Variants in RELB observed in about 807,000 individuals in gnomAD.
RELB encodes the protein transcription factor RelB.
RELB carries 14 observed loss-of-function variants against 55.4 expected under a neutral mutation model. That is an observed-to-expected ratio of 0.25 (90% CI 0.17 to 0.40). RELB has a LOEUF of 0.40. Ranked by LOEUF, RELB falls within the 10% of genes least tolerant of loss-of-function variation. RELB has a pLI of 1.00. For missense variants in RELB, 669 were observed against 830.7 expected (o/e 0.81, Z 2.39); for synonymous variants, 409 against 371.3 (o/e 1.10, Z -1.17).
intron 4 of RELB, among the ~76,000 whole-genome samples, chr19:45,020,051 C>T (rs1971464712): frequency 1.3e-5 from 2 of 151,944 alleles, no homozygotes; most frequent in Non-Finnish European, 1.5e-5. Context: ...AGCCACTGTG[C>T]GCAGCCCTTC....
intron 5 of RELB, among the ~76,000 whole-genome samples, chr19:45,024,543 C>T (rs911046811): frequency 6.6e-6 from 1 of 151,562 alleles, no homozygotes; most frequent in Non-Finnish European, 1.5e-5. Flanking sequence ...TCTCAAGAAC[C>T]TTTGACATGC....
At chr19:45,031,916 G>T (rs1277429879) in intron 8 of RELB, among the ~76,000 whole-genome samples, 1 of 151,548 alleles carries the variant, frequency 6.6e-6, no homozygotes, top group African/African-American at 2.4e-5. Context: ...ATTGTTATAA[G>T]GATTAAATGA....
chr19:45,025,279 A>G, intron 5 of RELB, 50 bp from the exon 6 acceptor site: 1 of 1,362,364 alleles, frequency 7.3e-7, no homozygotes, highest in South Asian at 1.2e-5. Flanking sequence ...GGTTAGGGCC[A>G]CACTTGCCTG....
intron 2 of RELB, among the ~76,000 whole-genome samples, chr19:45,007,693 A>G (rs151020532): frequency 3.3e-5 from 5 of 151,918 alleles, no homozygotes; most frequent in African/African-American, 9.7e-5. Flanking sequence ...CCCCGTCTCT[A>G]CTAAAAGTAC....
intron 2 of RELB, chr19:45,003,489 A>C (rs1971240911): frequency 2.2e-6 from 1 of 452,302 alleles, no homozygotes; most frequent in East Asian, 5.6e-5. Context: ...AAAAAAAAAA[A>C]AAAAAAAAAA....
chr19:45,025,662 C>G lies in RELB; in HGVS notation c.811C>G (p.Gln271Glu). 6.2e-7 allele frequency: 1 copy of G among 1,613,980 alleles called. No homozygotes were observed. The highest frequency in any genetic ancestry group is 8.5e-7 in the Non-Finnish European group (1 of 1,179,878). The change falls in exon 7 of 12, where the codon CAG becomes GAG. Residue 271 changes from glutamine to glutamate, a missense_variant. By Grantham distance (29) the Gln-to-Glu change is conservative. Transcript: ENST00000221452. ...VDMNVVRICF[Q>E]ASYRDQQGQM... ...CATGAATGTGGTGAGGATCTGCTTC[C>G]AGGCCTCATATCGGGACCAGCAGGG...
chr19:45,019,363 C>T (rs901598017), intron 4 of RELB, among the ~76,000 whole-genome samples: 3 of 151,992 alleles, frequency 2.0e-5, no homozygotes, highest in East Asian at 1.9e-4. Context: ...CACGCCTGGC[C>T]GACACATTGT....
chr19:45,011,872 C>CTTT (rs368731996), intron 3 of RELB, 64 bp from the exon 4 acceptor site: 26 of 795,006 alleles, frequency 3.3e-5, no homozygotes, highest in Middle Eastern at 4.3e-4. Context: ...GTAATCAAGC[C>CTTT]TTTTTTTTTT....
At position 45,032,729 on chromosome 19, in the gene RELB, C is replaced by T. The variant is rs770682728; in HGVS notation, c.1187C>T (p.Thr396Met). 10 of 1,607,730 alleles carry T rather than the reference C, an allele frequency of 6.2e-6. No individual in the cohort carries two copies. In the South Asian group the frequency reaches 1.0e-4, roughly 16 times the overall value. ...GTCTGCAGCGAGCCATTGCCTTTCA[C>T]GTACCTGCCTCGCGACCATGGTAAC... ...DGVCSEPLPF[T>M]YLPRDHDSYG... Residue 396 changes from threonine (T) to methionine (M), a missense_variant, in exon 9 of 12, where the codon ACG becomes ATG. Around this residue, in one of 3 missense-constraint regions of RELB, gnomAD observed 341 missense variants for 436.8 expected, o/e 0.78. Transcript: ENST00000221452.
At chr19:45,016,993 G>A (rs1971427015) in intron 4 of RELB, among the ~76,000 whole-genome samples, 1 of 152,170 alleles carries the variant, frequency 6.6e-6, no homozygotes, top group African/African-American at 2.4e-5. Flanking sequence ...GGATGGCTGT[G>A]CGGGACTGTC....
Position 45,038,089 on chromosome 19 carries a change from A to G in RELB, c.*299A>G, listed in dbSNP as rs1971722254. 3.1e-6 allele frequency: 1 copy of G among 321,506 alleles called. No individual in the cohort carries two copies. The allele number at this position is 321,506 out of a possible 1,614,324, so 19.9% of individuals were successfully genotyped here. A position where few individuals can be genotyped will look rare whatever the true frequency, so the allele number is the denominator to read the frequency against. The stretch of plus-strand genomic sequence containing the variant: ...CAGTAGGATTCGGAAAAGATTGTAC[A>G]TATGGGAGGAGGGGGCAGATTCCTG... On this transcript the variant is annotated 3_prime_UTR_variant, in exon 12 of 12. Coordinates refer to ENST00000221452, the MANE Select transcript of RELB (RefSeq NM_006509.4).
At chr19:45,026,595 T>C (rs1042620577) in intron 7 of RELB, among the ~76,000 whole-genome samples, 3 of 152,094 alleles carry the variant, frequency 2.0e-5, no homozygotes, top group African/African-American at 7.2e-5. Context: ...TCTAGTGTTG[T>C]AGAATGAACA....
intron 2 of RELB, among the ~76,000 whole-genome samples, chr19:45,007,259 C>T (rs188118636): frequency 5.9e-5 from 9 of 152,024 alleles, no homozygotes; most frequent in African/African-American, 2.2e-4. Flanking sequence ...GGCAAGTCCA[C>T]GTTGGGGGTA....
Position 45,012,245 on chromosome 19 carries a change from C to A in RELB, c.473C>A (p.Thr158Asn). The stretch of plus-strand genomic sequence containing the variant: ...GGCAGCATCCTTGGGGAGAGCAGCA[C>A]CGAGGCCAGCAAGACGCTGCCCGCC... Reference protein sequence around the residue: ...SAGSILGESSTEASKTLPAIE... With the variant: ...SAGSILGESSNEASKTLPAIE... The change falls in exon 4 of 12, where the codon ACC becomes AAC. Residue 158 changes from threonine to asparagine, a missense_variant. Physicochemically the swap from Thr to Asn is moderately conservative, Grantham distance 65. Around this residue, in one of 3 missense-constraint regions of RELB, gnomAD observed 323 missense variants for 368.5 expected, o/e 0.88. Coordinates refer to ENST00000221452, the MANE Select transcript of RELB (RefSeq NM_006509.4). 6.9e-7 allele frequency: 1 copy of A among 1,447,388 alleles called. No homozygotes were observed. The highest frequency in any genetic ancestry group is 2.8e-5 in the Admixed American group (1 of 35,286). 89.7% of individuals were successfully genotyped at this position (1,447,388 alleles called of 1,614,324 possible). A position where few individuals can be genotyped will look rare whatever the true frequency, so the allele number is the denominator to read the frequency against.
At position 45,028,948 on chromosome 19, in the gene RELB, C is replaced by A. The variant is rs749563563; in HGVS notation, c.947C>A (p.Thr316Asn). 3 of 1,597,634 alleles carry A rather than the reference C, an allele frequency of 1.9e-6. No individual in the cohort carries two copies. The highest frequency in any genetic ancestry group is 2.6e-6 in the Non-Finnish European group (3 of 1,172,832). Residue 316 changes from threonine (T) to asparagine (N), a missense_variant, in exon 8 of 12, where the codon ACC becomes AAC. Transcript: ENST00000221452. Reference protein sequence around the residue: ...CRINKESGPCTGGEELYLLCD... With the variant: ...CRINKESGPCNGGEELYLLCD... ...ATTAACAAGGAAAGCGGGCCGTGCA[C>A]CGGTGGCGAGGAGCTCTACTTGCTC...
At chr19:45,014,502 GC>G (rs1266964211) in intron 4 of RELB, among the ~76,000 whole-genome samples, 3 of 143,058 alleles carry the variant, frequency 2.1e-5, no homozygotes, top group Non-Finnish European at 4.5e-5. Flanking sequence ...AGTTATTCTG[GC>G]TCAGAGTTTT....
chr19:45,002,435 CT>C (rs1971224774), intron 1 of RELB, among the ~76,000 whole-genome samples: 1 of 152,202 alleles, frequency 6.6e-6, no homozygotes, highest in Admixed American at 6.5e-5. Flanking sequence ...TCACTGCAAC[CT>C]CTGCCTCCCG....
chr19:45,011,802 G>GAGAGAGAC, intron 3 of RELB, 134 bp from the exon 4 acceptor site: 4 of 40,266 alleles, frequency 9.9e-5, no homozygotes, highest in Non-Finnish European at 4.7e-5. Context: ...GTGTGTGAGA[G>GAGAGAGAC]AGAGAGAGAG....
At chr19:45,014,856 A>G (rs1490359996) in intron 4 of RELB, among the ~76,000 whole-genome samples, 1 of 150,886 alleles carries the variant, frequency 6.6e-6, no homozygotes, top group Non-Finnish European at 1.5e-5. Context: ...TTAGAATGGT[A>G]AATGCCTAAC....
Sources: gnomAD v4.1 joint callset for allele counts (sites outside exome capture counted in the v4.1 genomes callset) on GRCh38, gnomAD v4.1.1 for gene constraint, gnomAD v4.1.1 regional missense constraint, MANE v1.5 for transcripts, NCBI Gene and HGNC (gene_info 2026-07-23, HGNC 2026-07-21) for gene names.